Variants in CENPP observed in about 807,000 individuals in gnomAD.
The protein encoded by CENPP is centromere protein P.
In CENPP, 24 loss-of-function variants were observed where a neutral mutation model predicts 35.6. The ratio of observed to expected loss-of-function variants is 0.67; its 90% CI spans 0.49 to 0.95. The LOEUF is 0.95. Ranked by LOEUF, CENPP falls within the 40% of genes least tolerant of loss-of-function variation. The pLI is 0.00. For synonymous variants in CENPP, 120 were observed against 125.5 expected (o/e 0.96, Z 0.29); for missense variants, 332 against 345.3 (o/e 0.96, Z 0.31).
At chr9:92,611,171 AG>A in intron 5 of CENPP, 142 bp from the exon 6 acceptor site, 1 of 680,752 alleles carries the variant, frequency 1.5e-6, no homozygotes, top group East Asian at 2.7e-5. Flanking sequence ...CAAGGGCAAG[AG>A]GGGCGGTTGG....
chr9:92,329,102 C>T (rs1221375842), intron 1 of CENPP, among the ~76,000 whole-genome samples: 4 of 151,614 alleles, frequency 2.6e-5, no homozygotes, highest in South Asian at 2.1e-4. Flanking sequence ...TTTGCTCTAT[C>T]GGAAATACCT....
Position 92,383,136 on chromosome 9 carries a change from A to G in CENPP, c.564+3277A>G, listed in dbSNP as rs1270757843. Among the ~76,000 whole-genome samples, 15 of 151,936 alleles carry G rather than the reference A, an allele frequency of 9.9e-5. No homozygotes were observed. In the East Asian group the frequency reaches 2.9e-3, roughly 29 times the overall value. ...TGGTCTCGAACTCCTGACCTCAAGT[A>G]ATCCACCCGCCTCAGCCTCACAAAG... On this transcript the variant is annotated intron_variant, in intron 5 of 7. Transcript: ENST00000375587.
chr9:92,613,342 A>C lies in CENPP; in HGVS notation c.*193A>C. 1 of 594,482 alleles carries C rather than the reference A, an allele frequency of 1.7e-6. No homozygotes were observed. Among genetic ancestry groups the C allele is most frequent in the East Asian group, 3.1e-5 (1 of 32,278 alleles). The allele number at this position is 594,482 out of a possible 1,614,324, so 36.8% of individuals were successfully genotyped here. A position where few individuals can be genotyped will look rare whatever the true frequency, so the allele number is the denominator to read the frequency against. ...CAACTAGTTAAGTATAAAATGCCAA[A>C]TAAAAGTGACACGTACAATGTGGTT... On this transcript the variant is annotated 3_prime_UTR_variant, in exon 8 of 8. Coordinates refer to ENST00000375587, the MANE Select transcript of CENPP (RefSeq NM_001012267.3).
chr9:92,586,282 T>C (rs1850538763), intron 5 of CENPP, among the ~76,000 whole-genome samples: 1 of 152,118 alleles, frequency 6.6e-6, no homozygotes, highest in South Asian at 2.1e-4. Context: ...TGACCTAAGG[T>C]GATCCGCCAG....
intron 5 of CENPP, among the ~76,000 whole-genome samples, chr9:92,599,207 A>G (rs911069125): frequency 3.3e-5 from 5 of 152,148 alleles, no homozygotes; most frequent in Non-Finnish European, 7.4e-5. Context: ...TTTACTATTC[A>G]GAAGCACAGA....
intron 5 of CENPP, among the ~76,000 whole-genome samples, chr9:92,477,299 G>A (rs539779671): frequency 6.6e-6 from 1 of 152,292 alleles, no homozygotes; most frequent in South Asian, 2.1e-4. Context: ...TGCCTTTGCT[G>A]TCTGTCTAAC....
At chr9:92,457,726 C>T (rs987513925) in intron 5 of CENPP, among the ~76,000 whole-genome samples, 7 of 151,166 alleles carry the variant, frequency 4.6e-5, no homozygotes, top group African/African-American at 1.7e-4. Flanking sequence ...CCAGAGCATA[C>T]TGCCTGGTCA....
At chr9:92,337,881 G>A (rs1169396811) in intron 3 of CENPP, among the ~76,000 whole-genome samples, 5 of 152,200 alleles carry the variant, frequency 3.3e-5, no homozygotes, top group Non-Finnish European at 7.3e-5. Flanking sequence ...GATGCTCCTG[G>A]GCTTCCAGTG....
chr9:92,344,586 T>G (rs1841225895), intron 3 of CENPP, among the ~76,000 whole-genome samples: 1 of 152,010 alleles, frequency 6.6e-6, no homozygotes, highest in Non-Finnish European at 1.5e-5. Flanking sequence ...CTCGCTCTGT[T>G]GCGCAGGCTG....
At chr9:92,420,953 T>A (rs1179698205) in intron 5 of CENPP, among the ~76,000 whole-genome samples, 1 of 152,136 alleles carries the variant, frequency 6.6e-6, no homozygotes, top group Non-Finnish European at 1.5e-5. Context: ...AGCAAAAACA[T>A]AGAAGCAACA....
At chr9:92,491,060 C>T (rs10820980) in intron 5 of CENPP, among the ~76,000 whole-genome samples, 56,278 of 151,996 alleles carry the variant, frequency 0.37, 12,762 homozygotes, top group African/African-American at 0.64. Flanking sequence ...CTACTTTGCA[C>T]AAATTCAGGG....
intron 5 of CENPP, among the ~76,000 whole-genome samples, chr9:92,601,111 A>G (rs1387914367): frequency 6.6e-6 from 1 of 152,160 alleles, no homozygotes; most frequent in Non-Finnish European, 1.5e-5. Flanking sequence ...TTAGGCTAAT[A>G]TGGTTTACAG....
chr9:92,365,791 T>TA (rs1841873002), intron 4 of CENPP, among the ~76,000 whole-genome samples: 1 of 151,536 alleles, frequency 6.6e-6, no homozygotes, highest in African/African-American at 2.4e-5. Flanking sequence ...ATTTCTTTCT[T>TA]TTTTTTTTCT....
intron 4 of CENPP, among the ~76,000 whole-genome samples, chr9:92,354,793 C>T (rs912673037): frequency 7.2e-5 from 11 of 152,126 alleles, no homozygotes; most frequent in African/African-American, 1.9e-4. Flanking sequence ...CCATAAGTGT[C>T]GGCTGGCTGA....
At chr9:92,428,073 G>C (rs1844013586) in intron 5 of CENPP, among the ~76,000 whole-genome samples, 1 of 152,152 alleles carries the variant, frequency 6.6e-6, no homozygotes, top group Non-Finnish European at 1.5e-5. Context: ...CTATCAGAAA[G>C]GCCACTTGGG....
intron 5 of CENPP, among the ~76,000 whole-genome samples, chr9:92,532,015 G>GATTTTTTTTTT (rs1848796284): frequency 1.0e-5 from 1 of 95,736 alleles, no homozygotes; most frequent in South Asian, 3.0e-4. Flanking sequence ...TTTATTTAAT[G>GATTTTTTTTTT]TTTTTTTTTT....
chr9:92,379,980 CTT>C, intron 5 of CENPP, 121 bp downstream of exon 5: 1 of 648,220 alleles, frequency 1.5e-6, no homozygotes, highest in Non-Finnish European at 2.7e-6. Flanking sequence ...TTCTCATTGA[CTT>C]TTGGAATTTG....
At chr9:92,474,742 C>CTCCTCCTCATCA (rs1491116407) in intron 5 of CENPP, 18 of 1,534,632 alleles carry the variant, frequency 1.2e-5, no homozygotes, top group Admixed American at 1.8e-5. Flanking sequence ...GAGAGTTGTC[C>CTCCTCCTCATCA]TCATCATCAT....
chr9:92,473,353 A>G (rs1051547429), intron 5 of CENPP, among the ~76,000 whole-genome samples: 3 of 152,214 alleles, frequency 2.0e-5, no homozygotes, highest in Admixed American at 6.5e-5. Flanking sequence ...AACCCAGTTT[A>G]CATCTGGTGG....
Sources: gnomAD v4.1 joint callset for allele counts (sites outside exome capture counted in the v4.1 genomes callset) on GRCh38, gnomAD v4.1.1 for gene constraint, MANE v1.5 for transcripts, NCBI Gene and HGNC (gene_info 2026-07-23, HGNC 2026-07-21) for gene names.